The following PTPRT variants were observed in gnomAD, a reference collection of about 807,000 sequenced individuals.
PTPRT encodes the protein protein tyrosine phosphatase receptor type T.
In PTPRT, 56 loss-of-function variants were observed where a neutral mutation model predicts 176.8. That is an observed-to-expected ratio of 0.32 (90% CI 0.26 to 0.40). PTPRT has a LOEUF of 0.40. Among genes scored for constraint, PTPRT ranks in the 10% least tolerant of loss-of-function variants. The pLI is 1.00. For synonymous variants in PTPRT, 783 were observed against 739.0 expected, an observed-to-expected ratio of 1.06 and a Z score of -0.96; for missense variants, 1,540 against 1,908.2, an observed-to-expected ratio of 0.81 and a Z score of 3.60.
chr20:42,136,511 C>T (rs1345455989), intron 18 of PTPRT, among the ~76,000 whole-genome samples: 1 of 152,100 alleles, frequency 6.6e-6, no homozygotes, highest in Non-Finnish European at 1.5e-5. Flanking sequence ...CCTCCTTGTC[C>T]TGCCAGATCC....
intron 6 of PTPRT, among the ~76,000 whole-genome samples, chr20:42,745,618 C>T (rs1299008614): frequency 6.6e-6 from 1 of 152,180 alleles, no homozygotes; most frequent in African/African-American, 2.4e-5. Flanking sequence ...AGTGACTGGA[C>T]AAAGGCAATG....
At chr20:42,913,652 C>T (rs1473702983) in intron 1 of PTPRT, among the ~76,000 whole-genome samples, 1 of 152,176 alleles carries the variant, frequency 6.6e-6, no homozygotes, top group African/African-American at 2.4e-5. Flanking sequence ...ATTTATGGTA[C>T]CTTTTCAAGA....
chr20:42,329,427 A>G (rs2057932271), intron 11 of PTPRT, among the ~76,000 whole-genome samples: 1 of 151,950 alleles, frequency 6.6e-6, no homozygotes, highest in Non-Finnish European at 1.5e-5. Context: ...ACAGTGACCA[A>G]CAGAGAGGCA....
At chr20:42,853,873 C>A (rs1343353073) in intron 2 of PTPRT, among the ~76,000 whole-genome samples, 1 of 152,160 alleles carries the variant, frequency 6.6e-6, no homozygotes, top group Non-Finnish European at 1.5e-5. Context: ...GAGAGATGGG[C>A]TCCTAAAATA....
At chr20:42,319,846 C>T (rs986920695) in intron 11 of PTPRT, among the ~76,000 whole-genome samples, 2 of 152,142 alleles carry the variant, frequency 1.3e-5, no homozygotes, top group Admixed American at 1.3e-4. Context: ...TGTGAATGAC[C>T]TCCCTTTTGG....
At position 42,315,877 on chromosome 20, in the gene PTPRT, T is replaced by C. The variant is rs1243920195; in HGVS notation, c.1985A>G (p.His662Arg). ...AGGCTTCAACTCAGCAGCAAAGTAG[T>C]GTAGAGAATCGAGGCTGGAGGCATT... ...YRNASSLDSL[H>R]YFAAELKPAN... Residue 662 changes from histidine (H) to arginine (R), a missense_variant, in exon 12 of 31, where the codon CAC (histidine) becomes CGC (arginine). By Grantham distance (29) the His-to-Arg change is conservative. Coordinates refer to ENST00000373187, the MANE Select transcript of PTPRT (RefSeq NM_007050.6). The C allele has an allele frequency of 6.2e-7, 1 of 1,614,088 alleles. No individual in the cohort carries two copies. The highest frequency in any genetic ancestry group is 1.1e-5 in the South Asian group (1 of 91,070).
At chr20:42,208,362 G>A (rs926932353) in intron 15 of PTPRT, among the ~76,000 whole-genome samples, 1 of 151,780 alleles carries the variant, frequency 6.6e-6, no homozygotes, top group African/African-American at 2.4e-5. Flanking sequence ...TGGATAAAGA[G>A]TCAAGACTCA....
chr20:42,133,643 T>C (rs974072807), intron 18 of PTPRT, among the ~76,000 whole-genome samples: 2 of 152,196 alleles, frequency 1.3e-5, no homozygotes, highest in African/African-American at 4.8e-5. Flanking sequence ...TGTCAAATCC[T>C]ATAGAACTGT....
intron 11 of PTPRT, among the ~76,000 whole-genome samples, chr20:42,341,863 G>A (rs1032889490): frequency 1.2e-4 from 18 of 152,050 alleles, no homozygotes; most frequent in Non-Finnish European, 2.5e-4. Flanking sequence ...ATGTTCCATC[G>A]ACTGCTCCAT....
At chr20:42,311,043 C>T (rs975978736) in intron 12 of PTPRT, among the ~76,000 whole-genome samples, 3 of 152,260 alleles carry the variant, frequency 2.0e-5, no homozygotes, top group South Asian at 2.1e-4. Flanking sequence ...TATCCTCATG[C>T]TGATAATAGT....
chr20:42,824,394 TAA>T (rs1232040428), intron 2 of PTPRT, among the ~76,000 whole-genome samples: 2 of 151,902 alleles, frequency 1.3e-5, no homozygotes, highest in African/African-American at 2.4e-5. Context: ...CCACAATAAT[TAA>T]AAGAGTGTTG....
intron 6 of PTPRT, among the ~76,000 whole-genome samples, chr20:42,738,339 G>C (rs1456931094): frequency 6.6e-6 from 1 of 151,590 alleles, no homozygotes; most frequent in Non-Finnish European, 1.5e-5. Flanking sequence ...TGGAGAAACT[G>C]AGTCTCTACT....
intron 9 of PTPRT, among the ~76,000 whole-genome samples, chr20:42,402,483 TAAAAAAAAA>T (rs3061921): frequency 1.6e-4 from 15 of 95,156 alleles, no homozygotes; most frequent in South Asian, 3.7e-4. Context: ...ATAGTGCAGT[TAAAAAAAAA>T]AAAAAAAAAA....
At chr20:42,361,323 T>G (rs1054552163) in intron 9 of PTPRT, among the ~76,000 whole-genome samples, 1 of 152,226 alleles carries the variant, frequency 6.6e-6, no homozygotes, top group Non-Finnish European at 1.5e-5. Flanking sequence ...TAAACCTGTG[T>G]AAGTAGAAAG....
chr20:42,593,982 T>C (rs1157214971), intron 7 of PTPRT, among the ~76,000 whole-genome samples: 1 of 152,148 alleles, frequency 6.6e-6, no homozygotes, highest in Non-Finnish European at 1.5e-5. Flanking sequence ...GAATTATCTG[T>C]AGAGTCTCTT....
At chr20:42,861,653 T>G (rs192135361) in intron 2 of PTPRT, among the ~76,000 whole-genome samples, 2 of 151,884 alleles carry the variant, frequency 1.3e-5, no homozygotes, top group Admixed American at 1.3e-4. Context: ...TGCCAAATAT[T>G]ATGATAAGGA....
chr20:42,222,736 C>G (rs1336545006), intron 15 of PTPRT, among the ~76,000 whole-genome samples: 1 of 152,216 alleles, frequency 6.6e-6, no homozygotes, highest in Non-Finnish European at 1.5e-5. Context: ...GTCTCTTCAT[C>G]AGTATTATTT....
chr20:42,932,886 A>T (rs1388745219), intron 1 of PTPRT, among the ~76,000 whole-genome samples: 1 of 152,232 alleles, frequency 6.6e-6, no homozygotes, highest in Non-Finnish European at 1.5e-5. Context: ...GCAAGCAGTA[A>T]GTATACTTCA....
intron 7 of PTPRT, among the ~76,000 whole-genome samples, chr20:42,543,335 T>C (rs1018054033): frequency 1.2e-4 from 19 of 152,228 alleles, no homozygotes; most frequent in African/African-American, 4.3e-4. Context: ...GTTTACAGCA[T>C]CTTCATCAAT....
Sources: gnomAD v4.1 joint callset for allele counts (sites outside exome capture counted in the v4.1 genomes callset) on GRCh38, gnomAD v4.1.1 for gene constraint, MANE v1.5 for transcripts, NCBI Gene and HGNC (gene_info 2026-07-23, HGNC 2026-07-21) for gene names.